FANCB: variants seen among roughly 807,000 people sequenced by gnomAD.
FANCB encodes the protein Fanconi anemia group B protein.
In FANCB, 5 loss-of-function variants were observed where a neutral mutation model predicts 38.9. The observed-to-expected ratio is 0.13, with a 90% CI of 0.07 to 0.27. The LOEUF is 0.27. FANCB is among the 10% of genes least tolerant of loss of function. FANCB has a pLI of 1.00. For synonymous variants in FANCB, 236 were observed against 215.4 expected, an observed-to-expected ratio of 1.10 and a Z score of -0.84; for missense variants, 573 against 602.7, an observed-to-expected ratio of 0.95 and a Z score of 0.52.
the FANCB span, chrX:14,690,664 T>A: frequency 3.9e-5 from 35 of 894,354 alleles, no homozygotes; most frequent in Non-Finnish European, 5.7e-5. Context: ...TTTCTTTCTC[T>A]CTCTCTCTCT....
chrX:14,865,637 C>A, intron 2 of FANCB, 57 bp from the exon 3 acceptor site: 1 of 504,780 alleles, frequency 2.0e-6, no homozygotes. Flanking sequence ...AAAGAAAACA[C>A]GTTTCTGTTA....
the FANCB span, among the ~76,000 whole-genome samples, chrX:14,744,856 T>C: frequency 9.0e-6 from 1 of 111,375 alleles, no homozygotes; most frequent in African/African-American, 3.3e-5. Flanking sequence ...ACGGAACACA[T>C]CAAGGCAGGC....
At chrX:14,806,026 C>T in the FANCB span, among the ~76,000 whole-genome samples, 1 of 112,275 alleles carries the variant, frequency 8.9e-6, no homozygotes, top group East Asian at 2.8e-4. Context: ...AATCTGAAAA[C>T]ACATGTTTCC....
chrX:14,809,937 AG>A, the FANCB span, among the ~76,000 whole-genome samples: 1 of 112,117 alleles, frequency 8.9e-6, no homozygotes, highest in Non-Finnish European at 1.9e-5. Flanking sequence ...ACCCCCCAGT[AG>A]GGGCAGACTG....
chrX:14,864,780 G>T lies in FANCB; in HGVS notation c.731C>A (p.Ala244Glu). ...SSVVTYVHIC[A>E]TEIIKNQLRI... is the part of the protein sequence containing the mutation. ...TAACTGGTTTTTGATGATCTCAGTT[G>T]CACAAATATGTACATAAGTCACCAC... Residue 244 changes from alanine to glutamate, a missense_variant, in exon 3 of 10, where the codon GCA (alanine) becomes GAA (glutamate). Ala to Glu is a moderately radical substitution (Grantham distance 107, BLOSUM62 -1). Coordinates refer to ENST00000650831, the MANE Select transcript of FANCB (RefSeq NM_001018113.3). 1 of 1,208,301 alleles carries T rather than the reference G, an allele frequency of 8.3e-7. No homozygotes were observed. Among genetic ancestry groups the T allele is most frequent in the Non-Finnish European group, 1.1e-6 (1 of 892,305 alleles).
At chrX:14,840,833 T>G (rs901380280), downstream of FANCB, among the ~76,000 whole-genome samples, 1 of 111,790 alleles carries the variant, frequency 8.9e-6, no homozygotes, top group Non-Finnish European at 1.9e-5. Context: ...TCCAGCATAG[T>G]TGCTCACAGG....
At chrX:14,769,564 C>G in the FANCB span, among the ~76,000 whole-genome samples, 5 of 111,320 alleles carry the variant, frequency 4.5e-5, no homozygotes, top group Non-Finnish European at 1.9e-5. Context: ...CCATATTAGT[C>G]TAGCTAGTGG....
At chrX:14,872,914 G>A (rs2092507394) in intron 1 of FANCB, 72 bp downstream of exon 1, 1 of 114,398 alleles carries the variant, frequency 8.7e-6, no homozygotes, top group Non-Finnish European at 1.9e-5. Flanking sequence ...GCGGGGACAA[G>A]GGGAGGAAAT....
rs1393542049 is a variant in FANCB at position 14,857,895 on chromosome X, G to A, written c.1164C>T (p.Tyr388=). 19 of 1,196,742 alleles carry A rather than the reference G, an allele frequency of 1.6e-5. No homozygotes were observed. The highest frequency in any genetic ancestry group is 1.8e-5 in the Non-Finnish European group (16 of 882,402). ...DLFEDKQENR[Y]LVVPPLETGL... ...CTGTTTCTAGAGGTGGAACCACCAG[G>A]TAACGATTCTCTTGTTTGTCTTCAA... Residue 388 remains tyrosine, a synonymous_variant, in exon 5 of 10, where the codon TAC becomes TAT. Transcript: ENST00000650831.
chrX:14,872,997 G>T lies in FANCB; in HGVS notation c.-203C>A, dbSNP rs907012658. The T allele has an allele frequency of 8.3e-6, 1 of 120,128 alleles. No individual in the cohort carries two copies. Among genetic ancestry groups the T allele is most frequent in the Non-Finnish European group, 1.7e-5 (1 of 57,775 alleles). 9.9% of individuals were successfully genotyped at this position (120,128 alleles called of 1,213,427 possible). On this transcript the variant is annotated 5_prime_UTR_variant, in exon 1 of 10. Transcript: ENST00000650831. ...CAGCCCCATCCTACCTCAACGCAGC[G>T]GCAACATACCGGAGGCCCCACGTCG...
the FANCB span, among the ~76,000 whole-genome samples, chrX:14,808,755 G>T: frequency 5.3e-5 from 6 of 112,200 alleles, no homozygotes; most frequent in African/African-American, 1.9e-4. Flanking sequence ...ATCTACATTA[G>T]AAAGGAAGAA....
At chrX:14,842,213 G>C (rs1332560295), downstream of FANCB, among the ~76,000 whole-genome samples, 1 of 111,676 alleles carries the variant, frequency 9.0e-6, no homozygotes, top group Non-Finnish European at 1.9e-5. Context: ...GAGCTGTAGA[G>C]TTCTATCTCA....
chrX:14,815,647 C>G, the FANCB span, among the ~76,000 whole-genome samples: 2 of 111,950 alleles, frequency 1.8e-5, no homozygotes, highest in East Asian at 5.6e-4. Flanking sequence ...ACAATTCGAT[C>G]CAGCAAACCC....
the FANCB span, among the ~76,000 whole-genome samples, chrX:14,798,223 C>T: frequency 2.4e-4 from 26 of 108,479 alleles, no homozygotes; most frequent in African/African-American, 8.4e-4. Context: ...ATCTTGGTGG[C>T]GCAATCTTGG....
the FANCB span, among the ~76,000 whole-genome samples, chrX:14,742,490 A>C: frequency 3.6e-5 from 4 of 111,809 alleles, no homozygotes; most frequent in Non-Finnish European, 5.6e-5. Context: ...ATAGTGTAAA[A>C]TATAATAGTA....
the FANCB span, among the ~76,000 whole-genome samples, chrX:14,815,473 AACC>A: frequency 8.9e-6 from 1 of 112,648 alleles, no homozygotes; most frequent in Non-Finnish European, 1.9e-5. Context: ...TGCAAATTAA[AACC>A]ACCAGCCAGA....
downstream of FANCB, among the ~76,000 whole-genome samples, chrX:14,839,327 C>A (rs1314979445): frequency 2.7e-5 from 3 of 109,530 alleles, no homozygotes; most frequent in Non-Finnish European, 5.7e-5. Flanking sequence ...ACAAAAAAAA[C>A]GGAAAGAAAG....
chrX:14,848,232 C>T (rs1002631563), intron 7 of FANCB, among the ~76,000 whole-genome samples: 1 of 111,921 alleles, frequency 8.9e-6, no homozygotes, highest in Non-Finnish European at 1.9e-5. Context: ...AAGACAATGC[C>T]AGGTTGGACT....
chrX:14,745,820 C>T, the FANCB span, among the ~76,000 whole-genome samples: 1 of 105,473 alleles, frequency 9.5e-6, no homozygotes, highest in Admixed American at 1.0e-4. Flanking sequence ...CTGCCTCAGC[C>T]TCCCATGTAG....
Sources: gnomAD v4.1 joint callset for allele counts (sites outside exome capture counted in the v4.1 genomes callset) on GRCh38, gnomAD v4.1.1 for gene constraint, MANE v1.5 for transcripts, NCBI Gene and HGNC (gene_info 2026-07-23, HGNC 2026-07-21) for gene names.